CERS5: variants seen among roughly 807,000 people sequenced by gnomAD.
CERS5 encodes the protein ceramide synthase 5, also known as LAG1 homolog, ceramide synthase 5.
CERS5 carries 37 observed loss-of-function variants against 58.9 expected under a neutral mutation model. The observed-to-expected ratio is 0.63, with a 90% CI of 0.48 to 0.83. CERS5 has a LOEUF of 0.83. Ranked by LOEUF, CERS5 falls within the 40% of genes least tolerant of loss-of-function variation. The pLI is 0.00. For missense variants in CERS5, 398 were observed against 489.3 expected (o/e 0.81, Z 1.76); for synonymous variants, 147 against 177.8 (o/e 0.83, Z 1.38).
At chr12:50,133,008 G>T in intron 9 of CERS5, 1 of 1,289,134 alleles carries the variant, frequency 7.8e-7, no homozygotes, top group Non-Finnish European at 1.0e-6. Flanking sequence ...TAGAAAAAAG[G>T]AAGGAGGTGA....
At chr12:50,156,556 T>C (rs994229161) in intron 1 of CERS5, among the ~76,000 whole-genome samples, 7 of 151,188 alleles carry the variant, frequency 4.6e-5, no homozygotes, top group Admixed American at 2.7e-4. Flanking sequence ...GATCATGCCA[T>C]TGCATTCCAG....
chr12:50,140,585 G>A (rs755885097), intron 4 of CERS5, among the ~76,000 whole-genome samples: 3 of 151,862 alleles, frequency 2.0e-5, no homozygotes, highest in Non-Finnish European at 4.4e-5. Context: ...TCATGCAGGC[G>A]AATTCCAAAT....
chr12:50,152,974 G>A (rs1938141761), intron 1 of CERS5, among the ~76,000 whole-genome samples: 1 of 152,040 alleles, frequency 6.6e-6, no homozygotes, highest in African/African-American at 2.4e-5. Context: ...GGAGGCTGAG[G>A]CAGGAGAATT....
chr12:50,135,136 G>GAA (rs1565768258), intron 8 of CERS5, among the ~76,000 whole-genome samples: 3 of 59,678 alleles, frequency 5.0e-5, no homozygotes, highest in African/African-American at 1.6e-4. Flanking sequence ...GGAGAGGGAG[G>GAA]GAGAGAGAGA....
At chr12:50,149,381 C>T (rs1049248046) in intron 1 of CERS5, among the ~76,000 whole-genome samples, 1 of 152,154 alleles carries the variant, frequency 6.6e-6, no homozygotes, top group African/African-American at 2.4e-5. Flanking sequence ...TTGTAGAGAT[C>T]ATTTCACTCT....
intron 4 of CERS5, among the ~76,000 whole-genome samples, chr12:50,139,201 A>C (rs1951840172): frequency 6.6e-6 from 1 of 152,190 alleles, no homozygotes; most frequent in South Asian, 2.1e-4. Context: ...ATCCATGGCC[A>C]GGCACAGTAG....
chr12:50,135,146 AG>A lies in CERS5; in HGVS notation c.873-445del, dbSNP rs1565768439. ...AGAGAGGAGAGGGAGGGAGAGAGAGAGGAGGGAGGGAGAGAGAGGGGAGGGA... is the reference window on the plus strand; with the variant it reads ...AGAGAGGAGAGGGAGGGAGAGAGAGAGAGGGAGGGAGAGAGAGGGGAGGGA... On this transcript the variant is annotated intron_variant, in intron 8 of 9. Coordinates refer to ENST00000317551, the MANE Select transcript of CERS5 (RefSeq NM_147190.5). Among the ~76,000 whole-genome samples the A allele has an allele frequency of 2.2e-3, 85 of 38,314 alleles. 1 individual carries two copies. Among genetic ancestry groups the A allele is most frequent in the African/African-American group, 3.4e-3 (29 of 8,602 alleles). 25.1% of individuals were successfully genotyped at this position (38,314 alleles called of 152,430 possible). A position where few individuals can be genotyped will look rare whatever the true frequency, so the allele number is the denominator to read the frequency against.
intron 1 of CERS5, chr12:50,165,793 A>G: frequency 3.5e-6 from 1 of 289,834 alleles, no homozygotes; most frequent in Non-Finnish European, 6.9e-6. Context: ...AGGCAAAACG[A>G]ACAGATGTCC....
intron 3 of CERS5, among the ~76,000 whole-genome samples, chr12:50,142,321 G>A (rs1438395706): frequency 1.3e-5 from 2 of 152,114 alleles, no homozygotes; most frequent in Admixed American, 6.6e-5. Context: ...TTGGGAGGCC[G>A]AGGCAGGTGC....
At chr12:50,148,537 C>G (rs1358927825) in intron 1 of CERS5, 4 of 341,426 alleles carry the variant, frequency 1.2e-5, no homozygotes, top group Non-Finnish European at 1.8e-5. Flanking sequence ...ACAGAGGTTG[C>G]AGTGAGCTGA....
rs1419806693 is a variant in CERS5, at chr12:50,149,642, A to G, written c.198-5585T>C. On this transcript the variant is annotated intron_variant, in intron 1 of 9. Transcript: ENST00000317551. ...ATACTTATGCTGAGATATTGATTTT[A>G]GCTCTCAGGGTGATCCATGGGGCCT... Among the ~76,000 whole-genome samples, 3 of 152,226 alleles carry G rather than the reference A, an allele frequency of 2.0e-5. No homozygotes were observed. The East Asian group carries it at 5.8e-4, about 29-fold the overall frequency.
chr12:50,167,172 G>A lies in CERS5; in HGVS notation c.126C>T (p.Pro42=). The change falls in exon 1 of 10, where the codon CCC becomes CCT. Residue 42 remains proline, a synonymous_variant. Coordinates refer to ENST00000317551, the MANE Select transcript of CERS5 (RefSeq NM_147190.5). ...ACACCGAGAGGATGTGCCGGCCGCG[G>A]GGGTAACCGTAGCCGTCGGCCGGCC... ...LEGPADGYGY[P]RGRHILSVFP... 1 of 1,601,980 alleles carries A rather than the reference G, an allele frequency of 6.2e-7. No individual in the cohort carries two copies. Among genetic ancestry groups the A allele is most frequent in the Non-Finnish European group, 8.5e-7 (1 of 1,176,552 alleles).
At chr12:50,143,856 T>C in intron 2 of CERS5, 96 bp downstream of exon 2, 1 of 770,734 alleles carries the variant, frequency 1.3e-6, no homozygotes, top group Non-Finnish European at 2.3e-6. Context: ...CATCCCATCC[T>C]ATCCTTACCC....
At chr12:50,141,610 A>T (rs1951973199) in intron 4 of CERS5, among the ~76,000 whole-genome samples, 1 of 152,170 alleles carries the variant, frequency 6.6e-6, no homozygotes, top group African/African-American at 2.4e-5. Flanking sequence ...GGCTGTGGGC[A>T]TCACAGAGGA....
intron 6 of CERS5, 77 bp from the exon 7 acceptor site, chr12:50,136,146 A>G (rs1223465021): frequency 7.6e-6 from 10 of 1,321,842 alleles, no homozygotes; most frequent in Admixed American, 2.7e-5. Flanking sequence ...GTCCTGCATT[A>G]TTCTCTAAGA....
Position 50,142,058 on chromosome 12 carries a change from A to G in CERS5, c.487T>C (p.Trp163Arg). The stretch of plus-strand genomic sequence containing the variant: ...TAGAGAAAGTTAAGACTCACCGACC[A>G]GAGAAATCTAATTCCATAGCAGAAT... ...CIFCYGIRFL[W>R]SSPWFWDIRQ... is the part of the protein sequence containing the mutation. Residue 163 changes from tryptophan to arginine, a missense_variant, in exon 4 of 10, where the codon TGG (tryptophan) becomes CGG (arginine). Physicochemically the swap from Trp to Arg is moderately radical, Grantham distance 101. Transcript: ENST00000317551. 2 of 1,595,168 alleles carry G rather than the reference A, an allele frequency of 1.3e-6. No homozygotes were observed. Among genetic ancestry groups the G allele is most frequent in the Non-Finnish European group, 1.7e-6 (2 of 1,163,132 alleles).
intron 2 of CERS5, 154 bp from the exon 3 acceptor site, chr12:50,143,358 T>C (rs1952083452): frequency 3.6e-6 from 3 of 824,704 alleles, no homozygotes. Flanking sequence ...TAGTAAGAAA[T>C]TTTATCTTAC....
chr12:50,134,194 A>G, intron 9 of CERS5: 1 of 339,872 alleles, frequency 2.9e-6, no homozygotes. Context: ...TGGCCTGGGT[A>G]ACATAGTGAC....
chr12:50,147,262 G>A (rs1348934350), intron 1 of CERS5: 1 of 152,000 alleles, frequency 6.6e-6, no homozygotes, highest in Non-Finnish European at 1.5e-5. Flanking sequence ...AGTTAGACAG[G>A]CGTGGTGGTG....
Sources: allele counts gnomAD v4.1 joint callset (sites outside exome capture counted in the v4.1 genomes callset), GRCh38; gene constraint gnomAD v4.1.1; transcripts MANE v1.5; gene names NCBI Gene and HGNC (gene_info 2026-07-23, HGNC 2026-07-21).